The following SH3PXD2A variants were observed in gnomAD, a reference collection of about 807,000 sequenced individuals.
SH3PXD2A encodes SH3 and PX domains 2A.
In SH3PXD2A, 32 loss-of-function variants were observed where a neutral mutation model predicts 115.2. The ratio of observed to expected loss-of-function variants is 0.28; its 90% CI spans 0.21 to 0.37. The LOEUF is 0.37. Among genes scored for constraint, SH3PXD2A ranks in the 10% least tolerant of loss-of-function variants. The pLI is 1.00. For synonymous variants in SH3PXD2A, 610 were observed against 629.1 expected (o/e 0.97, Z 0.45); for missense variants, 1,328 against 1,498.7 (o/e 0.89, Z 1.88).
chr10:103,680,291 GTTTTA>G (rs1487011098), intron 6 of SH3PXD2A, among the ~76,000 whole-genome samples: 1 of 150,108 alleles, frequency 6.7e-6, no homozygotes, highest in African/African-American at 2.5e-5. Flanking sequence ...CCTTCTTTAT[GTTTTA>G]TTTTGAGATA....
At chr10:103,655,890 C>A (rs1271312405) in intron 8 of SH3PXD2A, among the ~76,000 whole-genome samples, 3 of 151,416 alleles carry the variant, frequency 2.0e-5, no homozygotes, top group Admixed American at 2.0e-4. Flanking sequence ...AAGGCAGGAA[C>A]CTCATGGATG....
chr10:103,719,721 C>CTTTTT (rs11438501), intron 5 of SH3PXD2A, among the ~76,000 whole-genome samples: 43 of 114,704 alleles, frequency 3.7e-4, no homozygotes, highest in African/African-American at 6.2e-4. Context: ...TTTTTTCTTT[C>CTTTTT]TTTTTTTTTT....
chr10:103,840,084 A>C (rs1179009633), intron 1 of SH3PXD2A, among the ~76,000 whole-genome samples: 2 of 152,252 alleles, frequency 1.3e-5, no homozygotes, highest in African/African-American at 4.8e-5. Flanking sequence ...GGCAGAAATG[A>C]TGGCGCCAAC....
chr10:103,731,549 G>A (rs1249026503), intron 4 of SH3PXD2A, among the ~76,000 whole-genome samples: 2 of 152,182 alleles, frequency 1.3e-5, no homozygotes, highest in African/African-American at 2.4e-5. Flanking sequence ...CTGGGTTGAG[G>A]GAGATGGTGA....
At chr10:103,783,639 T>A (rs767984755) in intron 2 of SH3PXD2A, among the ~76,000 whole-genome samples, 10 of 152,202 alleles carry the variant, frequency 6.6e-5, no homozygotes, top group South Asian at 2.1e-4. Context: ...AAAGCTGGCA[T>A]CTGCTGCTTG....
chr10:103,836,778 T>C (rs928524586), intron 1 of SH3PXD2A, among the ~76,000 whole-genome samples: 10 of 152,098 alleles, frequency 6.6e-5, no homozygotes, highest in African/African-American at 1.9e-4. Context: ...GTCTCCACAA[T>C]TTGAAACACC....
chr10:103,800,381 T>C (rs1349772507), intron 2 of SH3PXD2A, among the ~76,000 whole-genome samples: 1 of 152,170 alleles, frequency 6.6e-6, no homozygotes, highest in South Asian at 2.1e-4. Context: ...TGGGAGTCAA[T>C]TTCCCCTCTG....
intron 7 of SH3PXD2A, among the ~76,000 whole-genome samples, 155 bp downstream of exon 7, chr10:103,668,453 G>A (rs1404267074): frequency 6.6e-6 from 1 of 152,274 alleles, no homozygotes; most frequent in African/African-American, 2.4e-5. Context: ...GACTGGGGAG[G>A]CAGAGGGCAC....
Position 103,627,071 on chromosome 10 carries a change from G to C in SH3PXD2A, c.718+18C>G. ...GAGGCCGCGTTGCTCCCTGCCCCTT[G>C]GACCTGCAAGCCCTCACCTTCTCCA... On this transcript the variant is annotated intron_variant, in intron 9 of 14. Transcript: ENST00000369774. This position sits in a 1 kb window ranked among gnomAD's most constrained non-coding sequence, Gnocchi z 4.4. 3 of 1,436,426 alleles carry C rather than the reference G, an allele frequency of 2.1e-6. No individual in the cohort carries two copies. Among genetic ancestry groups the C allele is most frequent in the Non-Finnish European group, 2.9e-6 (3 of 1,017,918 alleles). 89.0% of individuals were successfully genotyped at this position (1,436,426 alleles called of 1,614,324 possible).
At chr10:103,783,148 G>A (rs2038948615) in intron 2 of SH3PXD2A, among the ~76,000 whole-genome samples, 1 of 152,210 alleles carries the variant, frequency 6.6e-6, no homozygotes, top group Non-Finnish European at 1.5e-5. Flanking sequence ...TGACAGAGAT[G>A]GGTCTGGAAG....
intron 8 of SH3PXD2A, among the ~76,000 whole-genome samples, chr10:103,642,288 G>A (rs1211854695): frequency 1.3e-5 from 2 of 152,088 alleles, no homozygotes; most frequent in African/African-American, 4.8e-5. Context: ...CATTTGAACC[G>A]TGCCACAAAT....
intron 1 of SH3PXD2A, among the ~76,000 whole-genome samples, chr10:103,820,697 CT>C (rs1316299514): frequency 6.6e-6 from 1 of 152,178 alleles, no homozygotes; most frequent in Non-Finnish European, 1.5e-5. Context: ...GATTCCAGCC[CT>C]CCCAGGCTGC....
chr10:103,615,503 T>C (rs751955152), intron 11 of SH3PXD2A, among the ~76,000 whole-genome samples: 3,397 of 91,174 alleles, frequency 0.037, 139 homozygotes, highest in African/African-American at 0.09. Flanking sequence ...TGTGTGTGTG[T>C]GTGTGTGTGT....
At chr10:103,674,355 G>T (rs1408156132) in intron 6 of SH3PXD2A, among the ~76,000 whole-genome samples, 2 of 152,084 alleles carry the variant, frequency 1.3e-5, no homozygotes, top group Admixed American at 6.6e-5. Flanking sequence ...AGCCCAACAG[G>T]GTTATCGGTC....
intron 13 of SH3PXD2A, among the ~76,000 whole-genome samples, chr10:103,607,478 G>A (rs1423812640): frequency 1.3e-5 from 2 of 151,814 alleles, no homozygotes; most frequent in Admixed American, 1.3e-4. Flanking sequence ...CCCCTACTGG[G>A]AGGTGAGGAG....
At chr10:103,836,603 A>C (rs529647011) in intron 1 of SH3PXD2A, among the ~76,000 whole-genome samples, 1 of 150,078 alleles carries the variant, frequency 6.7e-6, no homozygotes, top group East Asian at 2.0e-4. Flanking sequence ...CCACACTCAA[A>C]CCCCCACACA....
rs1374589265 is a variant in SH3PXD2A at position 103,855,574 on chromosome 10, A to G, written c.-308T>C. 6.7e-6 allele frequency: 1 copy of G among 149,576 alleles called. No individual in the cohort carries two copies. The highest frequency in any genetic ancestry group is 2.0e-4 in the East Asian group (1 of 4,916). The allele number at this position is 149,576 out of a possible 1,614,324, so 9.3% of individuals were successfully genotyped here. On this transcript the variant is annotated 5_prime_UTR_variant, in exon 1 of 15. Transcript: ENST00000369774. The stretch of plus-strand genomic sequence containing the variant: ...CCGCCGCCCGGTGGGTCCGGCGGGA[A>G]CTGGCGGAGCAGAGGAGGGGCGGGG...
At chr10:103,690,121 C>T (rs986154110) in intron 6 of SH3PXD2A, among the ~76,000 whole-genome samples, 1 of 152,104 alleles carries the variant, frequency 6.6e-6, no homozygotes, top group African/African-American at 2.4e-5. Context: ...TTCTCATTTG[C>T]AAAATGGGAA....
chr10:103,819,191 G>C (rs908747332), intron 1 of SH3PXD2A, among the ~76,000 whole-genome samples: 1 of 152,216 alleles, frequency 6.6e-6, no homozygotes, highest in Non-Finnish European at 1.5e-5. Context: ...TCCAGTCCCA[G>C]GGAGCTCTGG....
Sources: gnomAD v4.1 joint callset for allele counts (sites outside exome capture counted in the v4.1 genomes callset) on GRCh38, gnomAD v4.1.1 for gene constraint, Gnocchi (gnomAD v3.1) non-coding constraint, MANE v1.5 for transcripts, NCBI Gene and HGNC (gene_info 2026-07-23, HGNC 2026-07-21) for gene names.